The following AIRE variants were observed in gnomAD, a reference collection of about 807,000 sequenced individuals.
The protein encoded by AIRE is autoimmune regulator.
Under a neutral mutation model 62.1 loss-of-function variants are expected in AIRE, and 52 were observed. The ratio of observed to expected loss-of-function variants is 0.84; its 90% confidence interval spans 0.67 to 1.06. The LOEUF (loss-of-function observed/expected upper bound fraction) is 1.06, where lower values mean the gene tolerates loss of function less well. AIRE is among the 50% of genes least tolerant of loss of function. AIRE has a pLI of 0.00. For missense variants in AIRE, 774 were observed against 755.8 expected (o/e 1.02, Z -0.28); for synonymous variants, 342 against 321.6 (o/e 1.06, Z -0.68).
At chr21:44,291,823 C>T (rs893105095) in intron 8 of AIRE, among the ~76,000 whole-genome samples, 3 of 152,120 alleles carry the variant, frequency 2.0e-5, no homozygotes, top group Admixed American at 1.3e-4. Flanking sequence ...CCTGAGTGGC[C>T]GTCATCAGGC....
At chr21:44,290,858 A>G (rs961517445) in intron 7 of AIRE, 3 of 1,599,048 alleles carry the variant, frequency 1.9e-6, no homozygotes, top group Non-Finnish European at 2.6e-6. Context: ...GCCTGCAAGA[A>G]ACCGGGTTTT....
At position 44,287,417 on chromosome 21, in the gene AIRE, T is replaced by C; in HGVS notation, c.464-100T>C. On this transcript the variant is annotated intron_variant, in intron 3 of 13. Transcript: ENST00000291582. This position sits in a 1 kb window ranked among gnomAD's most constrained non-coding sequence, Gnocchi z 4.3. Reference sequence around the variant, plus strand: ...GCCCGGCAAAGGGACTACCCAGCACTGGACCGCCCCCTCCACGCCCTCCCA... The same window carrying C: ...GCCCGGCAAAGGGACTACCCAGCACCGGACCGCCCCCTCCACGCCCTCCCA... The C allele has an allele frequency of 2.4e-6, 2 of 850,362 alleles. No individual in the cohort carries two copies. The highest frequency in any genetic ancestry group is 1.9e-6 in the Non-Finnish European group (1 of 517,620). The allele number at this position is 850,362 out of a possible 1,614,324, so 52.7% of individuals were successfully genotyped here.
rs202027254 is a variant in AIRE, at chr21:44,291,162, G to A, written c.947G>A (p.Arg316Gln). 228 of 1,608,872 alleles carry A rather than the reference G, an allele frequency of 1.4e-4. No homozygotes were observed. Among genetic ancestry groups the A allele is most frequent in the Non-Finnish European group, 1.8e-4 (217 of 1,179,752 alleles). Reference sequence around the variant, plus strand: ...CTCATCTGCTGTGACGGCTGCCCTCGGGCCTTCCACCTGGCCTGCCTGTCC... The same window carrying A: ...CTCATCTGCTGTGACGGCTGCCCTCAGGCCTTCCACCTGGCCTGCCTGTCC... ...GELICCDGCP[R>Q]AFHLACLSPP... The change falls in exon 8 of 14, where the codon CGG becomes CAG. Residue 316 changes from arginine to glutamine, a missense_variant. Coordinates refer to ENST00000291582, the MANE Select transcript of AIRE (RefSeq NM_000383.4).
intron 10 of AIRE, 136 bp downstream of exon 10, chr21:44,293,311 G>T (rs547957261): frequency 3.5e-5 from 29 of 817,522 alleles, no homozygotes; most frequent in Non-Finnish European, 5.0e-5. Context: ...GGGGCTGTGG[G>T]GGGAGCGTGG....
intron 8 of AIRE, among the ~76,000 whole-genome samples, chr21:44,291,418 G>A (rs561479459): frequency 6.6e-6 from 1 of 152,264 alleles, no homozygotes; most frequent in East Asian, 1.9e-4. Flanking sequence ...TGCCCAGCCT[G>A]GACAGCTGGG....
chr21:44,292,494 C>A (rs761507001), intron 9 of AIRE, 93 bp downstream of exon 9: 9 of 860,796 alleles, frequency 1.0e-5, no homozygotes, highest in Non-Finnish European at 1.5e-5. Flanking sequence ...GTCCGTCTGT[C>A]CCCTGGAGTC....
chr21:44,289,495 A>G (rs2040514044), intron 5 of AIRE, 162 bp from the exon 6 acceptor site: 4 of 683,262 alleles, frequency 5.9e-6, no homozygotes, highest in Non-Finnish European at 8.3e-6. Context: ...GATCCAGGAC[A>G]ATCCCCGGGC....
At position 44,288,466 on chromosome 21, in the gene AIRE, C is replaced by T. The variant is rs1418632354; in HGVS notation, c.652+8C>T. The T allele has an allele frequency of 6.3e-7, 1 of 1,580,194 alleles. No individual in the cohort carries two copies. The highest frequency in any genetic ancestry group is 8.7e-7 in the Non-Finnish European group (1 of 1,150,378). ...AGCAGGTGTTTGAGTCAGGTAGACG[C>T]TGTGGCGGGGAGATGGGGCTGATGG... On this transcript the variant is annotated splice_region_variant and intron_variant, in intron 5 of 13. Transcript: ENST00000291582.
chr21:44,293,842 G>A lies in AIRE; in HGVS notation c.1332G>A (p.Leu444=), dbSNP rs1487294962. 3.8e-6 allele frequency: 6 copies of A among 1,596,914 alleles called. No individual in the cohort carries two copies. The highest frequency in any genetic ancestry group is 5.1e-6 in the Non-Finnish European group (6 of 1,179,596). ...CGVCGDGTDV[L]RCTHCAAAFH... Reference sequence around the variant, plus strand: ...TGTGCGGAGATGGTACGGACGTGCTGCGGTGTACTCACTGCGCCGCTGCCT... The same window carrying A: ...TGTGCGGAGATGGTACGGACGTGCTACGGTGTACTCACTGCGCCGCTGCCT... Residue 444 remains leucine, a synonymous_variant, in exon 11 of 14, where the codon CTG becomes CTA. Coordinates refer to ENST00000291582, the MANE Select transcript of AIRE (RefSeq NM_000383.4).
At position 44,296,273 on chromosome 21, in the gene AIRE, C is replaced by T. The variant is rs531815480; in HGVS notation, c.1504-110C>T. On this transcript the variant is annotated intron_variant, in intron 12 of 13. Coordinates refer to ENST00000291582, the MANE Select transcript of AIRE (RefSeq NM_000383.4). Reference sequence around the variant, plus strand: ...CCCAGTGGAGCTGGGTGTAAGAATTCCCATCTCAGTGTGGGGGAAACACCC... The same window carrying T: ...CCCAGTGGAGCTGGGTGTAAGAATTTCCATCTCAGTGTGGGGGAAACACCC... The T allele has an allele frequency of 3.7e-5, 37 of 1,006,636 alleles. No homozygotes were observed. The East Asian group carries it at 5.9e-4, about 16-fold the overall frequency. The allele number at this position is 1,006,636 out of a possible 1,614,324, so 62.4% of individuals were successfully genotyped here. A position where few individuals can be genotyped will look rare whatever the true frequency, so the allele number is the denominator to read the frequency against.
Position 44,298,007 on chromosome 21 carries a change from C to T in AIRE, c.*280C>T, listed in dbSNP as rs367559599. 6.8e-6 allele frequency: 3 copies of T among 439,774 alleles called. No individual in the cohort carries two copies. The highest frequency in any genetic ancestry group is 1.3e-5 in the Non-Finnish European group (3 of 234,002). The allele number at this position is 439,774 out of a possible 1,614,324, so 27.2% of individuals were successfully genotyped here. On this transcript the variant is annotated 3_prime_UTR_variant, in exon 14 of 14. Coordinates refer to ENST00000291582, the MANE Select transcript of AIRE (RefSeq NM_000383.4). ...ATTAGCTGGGTGTGGTGGTGGGTGC[C>T]TGTAATCCCAGCTACATGGGAGCCT...
Position 44,286,229 on chromosome 21 carries a change from A to G in AIRE, c.132+91A>G. On this transcript the variant is annotated intron_variant, in intron 1 of 13. Coordinates refer to ENST00000291582, the MANE Select transcript of AIRE (RefSeq NM_000383.4). The surrounding 1 kb of genome is among the most constrained non-coding windows in gnomAD (Gnocchi z 6.0). ...TTCCAGGAGGACCCCGCCCCTCCAG[A>G]TCCCCAAGCCCCTCCAGCCTTCCCC... 4 of 1,338,984 alleles carry G rather than the reference A, an allele frequency of 3.0e-6. No individual in the cohort carries two copies. The highest frequency in any genetic ancestry group is 4.1e-6 in the Non-Finnish European group (4 of 981,488). The allele number at this position is 1,338,984 out of a possible 1,614,324, so 82.9% of individuals were successfully genotyped here. A position where few individuals can be genotyped will look rare whatever the true frequency, so the allele number is the denominator to read the frequency against.
At position 44,288,334 on chromosome 21, in the gene AIRE, C is replaced by A. The variant is rs749744291; in HGVS notation, c.539-11C>A. 4.4e-6 allele frequency: 7 copies of A among 1,583,986 alleles called. No homozygotes were observed. Among genetic ancestry groups the A allele is most frequent in the Non-Finnish European group, 5.2e-6 (6 of 1,153,616 alleles). On this transcript the variant is annotated splice_polypyrimidine_tract_variant and intron_variant, in intron 4 of 13. Coordinates refer to ENST00000291582, the MANE Select transcript of AIRE (RefSeq NM_000383.4). ...CCCACGGGTGACCCCAATGGGTGTT[C>A]CCTTTCCCAGGGATTCAGACCATGT...
rs777128767 is a variant in AIRE at position 44,297,766 on chromosome 21, G to T, written c.*39G>T. The T allele has an allele frequency of 4.4e-6, 7 of 1,573,296 alleles. No homozygotes were observed. The highest frequency in any genetic ancestry group is 6.1e-6 in the Non-Finnish European group (7 of 1,145,198). Reference sequence around the variant, plus strand: ...GGACATGCAGCTCTGATGAGAGAGTGCTGAGAAGGACACCTCCTTCCTCAG... The same window carrying T: ...GGACATGCAGCTCTGATGAGAGAGTTCTGAGAAGGACACCTCCTTCCTCAG... On this transcript the variant is annotated 3_prime_UTR_variant, in exon 14 of 14. Transcript: ENST00000291582. This position sits in a 1 kb window ranked among gnomAD's most constrained non-coding sequence, Gnocchi z 4.8.
At position 44,287,204 on chromosome 21, in the gene AIRE, C is replaced by T; in HGVS notation, c.463+71C>T. ...GGGCTTCCCCGGGAGCCCACGCCCC[C>T]TCCCCACCCGGGCTCCCACCCACTG... On this transcript the variant is annotated intron_variant, in intron 3 of 13. Coordinates refer to ENST00000291582, the MANE Select transcript of AIRE (RefSeq NM_000383.4). The surrounding 1 kb of genome is among the most constrained non-coding windows in gnomAD (Gnocchi z 4.3). The T allele has an allele frequency of 6.3e-7, 1 of 1,580,180 alleles. No homozygotes were observed. Among genetic ancestry groups the T allele is most frequent in the Non-Finnish European group, 8.6e-7 (1 of 1,162,376 alleles).
chr21:44,291,360 T>A, intron 8 of AIRE, 150 bp downstream of exon 8: 3 of 1,344,460 alleles, frequency 2.2e-6, no homozygotes, highest in Non-Finnish European at 3.1e-6. Flanking sequence ...GGCCGGGGCC[T>A]GGGGTTTTCC....
Position 44,287,164 on chromosome 21 carries a change from G to T in AIRE, c.463+31G>T, listed in dbSNP as rs368561485. 828 of 1,610,180 alleles carry T rather than the reference G, an allele frequency of 5.1e-4. 2 individuals are homozygous for T. Among genetic ancestry groups the T allele is most frequent in the Non-Finnish European group, 4.9e-4 (583 of 1,179,656 alleles). On this transcript the variant is annotated intron_variant, in intron 3 of 13. Coordinates refer to ENST00000291582, the MANE Select transcript of AIRE (RefSeq NM_000383.4). The surrounding 1 kb of genome is among the most constrained non-coding windows in gnomAD (Gnocchi z 4.3). Reference sequence around the variant, plus strand: ...CTCCCTGCAGGGGAAGCCAGCCAGGGTCTCCAGTCTTCCCGGGCTTCCCCG... The same window carrying T: ...CTCCCTGCAGGGGAAGCCAGCCAGGTTCTCCAGTCTTCCCGGGCTTCCCCG...
chr21:44,296,819 G>C (rs1043959086), intron 13 of AIRE, among the ~76,000 whole-genome samples: 1 of 144,942 alleles, frequency 6.9e-6, no homozygotes, highest in African/African-American at 2.5e-5. Flanking sequence ...AGGGTGGGGC[G>C]TGGGAGTGGG....
At chr21:44,289,497 TC>T (rs1209718177) in intron 5 of AIRE, 159 bp from the exon 6 acceptor site, 1 of 825,294 alleles carries the variant, frequency 1.2e-6, no homozygotes, top group African/African-American at 2.0e-5. Flanking sequence ...TCCAGGACAA[TC>T]CCCGGGCCCC....
Sources: allele counts gnomAD v4.1 joint callset (sites outside exome capture counted in the v4.1 genomes callset), GRCh38; gene constraint gnomAD v4.1.1; non-coding constraint Gnocchi (gnomAD v3.1); transcripts MANE v1.5; gene names NCBI Gene and HGNC (gene_info 2026-07-23, HGNC 2026-07-21).